Variants in GPC5 observed in about 807,000 individuals in gnomAD.
GPC5 encodes glypican 5.
A neutral mutation model predicts 53.9 loss-of-function variants in GPC5; 47 were observed. That is an observed-to-expected ratio of 0.87 (90% CI 0.69 to 1.11). The LOEUF is 1.11. Among genes scored for constraint, GPC5 ranks in the 50% most tolerant of loss-of-function variants. The pLI, the probability that GPC5 is intolerant of heterozygous loss-of-function variation, is 0.00. For missense variants in GPC5, 748 were observed against 713.1 expected (o/e 1.05, Z -0.56); for synonymous variants, 286 against 263.3 (o/e 1.09, Z -0.84).
Position 92,329,980 on chromosome 13 carries a change from G to T in GPC5, c.1561+184991G>T, listed in dbSNP as rs116658661. 5.9e-3 allele frequency among the ~76,000 whole-genome samples: 888 copies of T among 150,836 alleles called. 9 individuals carry two copies. Among genetic ancestry groups the T allele is most frequent in the African/African-American group, 0.021 (851 of 40,970 alleles). On this transcript the variant is annotated intron_variant, in intron 7 of 7. Transcript: ENST00000377067. ...CCTTCTATGAAAGAAAACACATTAT[G>T]ACTTTTAAGTTATACAAACAAAACT...
chr13:91,617,312 A>G (rs1268437637), intron 2 of GPC5, among the ~76,000 whole-genome samples: 1 of 152,124 alleles, frequency 6.6e-6, no homozygotes, highest in African/African-American at 2.4e-5. Context: ...TGTAGAGAAG[A>G]TGCTATTTAA....
intron 2 of GPC5, among the ~76,000 whole-genome samples, chr13:91,584,516 T>G (rs567758934): frequency 6.6e-6 from 1 of 152,128 alleles, no homozygotes; most frequent in Non-Finnish European, 1.5e-5. Flanking sequence ...AAGGAATACT[T>G]TTTTTAGAAA....
At chr13:91,435,784 C>G (rs778968473) in intron 1 of GPC5, among the ~76,000 whole-genome samples, 2 of 152,166 alleles carry the variant, frequency 1.3e-5, no homozygotes, top group Non-Finnish European at 2.9e-5. Context: ...CCTTGTTCCT[C>G]TGATAGAATT....
intron 5 of GPC5, among the ~76,000 whole-genome samples, chr13:91,827,672 T>C (rs1391377075): frequency 1.4e-4 from 22 of 152,002 alleles, no homozygotes; most frequent in Admixed American, 1.4e-3. Flanking sequence ...CTACACAAAT[T>C]AAATCTGCTG....
At chr13:92,696,196 C>T (rs1174511664) in intron 7 of GPC5, among the ~76,000 whole-genome samples, 4 of 152,230 alleles carry the variant, frequency 2.6e-5, no homozygotes, top group East Asian at 3.9e-4. Context: ...GATTTATAAT[C>T]CTTTGGGTAT....
intron 2 of GPC5, among the ~76,000 whole-genome samples, chr13:91,587,208 A>G (rs1377800387): frequency 6.6e-6 from 1 of 152,138 alleles, no homozygotes; most frequent in Admixed American, 6.6e-5. Context: ...GGCTATTTAT[A>G]GTGTTATTTT....
intron 7 of GPC5, among the ~76,000 whole-genome samples, chr13:92,354,277 T>C (rs1245354359): frequency 6.6e-6 from 1 of 152,220 alleles, no homozygotes; most frequent in Non-Finnish European, 1.5e-5. Context: ...ATGGATTCTT[T>C]ATAATTGCTA....
At chr13:91,981,292 CT>C (rs77671844) in intron 6 of GPC5, among the ~76,000 whole-genome samples, 69,684 of 142,202 alleles carry the variant, frequency 0.49, 16,664 homozygotes, top group East Asian at 0.73. Flanking sequence ...GAGTTCTTAC[CT>C]TTTTTTTTTT....
intron 7 of GPC5, among the ~76,000 whole-genome samples, chr13:92,592,496 A>G (rs1339415075): frequency 2.6e-5 from 4 of 151,334 alleles, no homozygotes; most frequent in African/African-American, 9.7e-5. Context: ...CAGGGGATGG[A>G]GTGGTAAGGA....
chr13:92,219,145 C>T lies in GPC5; in HGVS notation c.1561+74156C>T, dbSNP rs145334655. Reference sequence around the variant, plus strand: ...GTTTGGACTCTCCAGTTCAACCATCCTGGATGGAGAGGCTGCTTCATTTTG... The same window carrying T: ...GTTTGGACTCTCCAGTTCAACCATCTTGGATGGAGAGGCTGCTTCATTTTG... On this transcript the variant is annotated intron_variant, in intron 7 of 7. Coordinates refer to ENST00000377067, the MANE Select transcript of GPC5 (RefSeq NM_004466.6). 4.0e-4 allele frequency among the ~76,000 whole-genome samples: 61 copies of T among 152,152 alleles called. No individual in the cohort carries two copies. The East Asian group carries it at 0.01, about 25-fold the overall frequency.
At chr13:92,073,630 G>A (rs1021067323) in intron 6 of GPC5, among the ~76,000 whole-genome samples, 3 of 152,110 alleles carry the variant, frequency 2.0e-5, no homozygotes, top group African/African-American at 7.2e-5. Context: ...GATGGTATAC[G>A]ATGTCTACCA....
intron 7 of GPC5, among the ~76,000 whole-genome samples, chr13:92,740,896 T>TTATA (rs59036154): frequency 1.3e-4 from 18 of 134,914 alleles, no homozygotes; most frequent in African/African-American, 3.3e-4. Context: ...ATTTATTTAT[T>TTATA]TATATATATA....
intron 6 of GPC5, among the ~76,000 whole-genome samples, chr13:92,102,653 A>G (rs968183880): frequency 7.2e-5 from 11 of 152,216 alleles, no homozygotes; most frequent in Admixed American, 1.3e-4. Flanking sequence ...GGGCTTTCAT[A>G]GCACAGTGGG....
chr13:92,509,290 C>T (rs934505716), intron 7 of GPC5, among the ~76,000 whole-genome samples: 1 of 152,066 alleles, frequency 6.6e-6, no homozygotes, highest in African/African-American at 2.4e-5. Flanking sequence ...TTCCTTTCTT[C>T]CCATTGCTTT....
intron 7 of GPC5, among the ~76,000 whole-genome samples, chr13:92,305,882 A>G (rs1038550127): frequency 1.3e-5 from 2 of 152,158 alleles, no homozygotes; most frequent in Non-Finnish European, 2.9e-5. Context: ...CGAAGGATTC[A>G]GGGGAATAGC....
chr13:92,019,366 C>T lies in GPC5; in HGVS notation c.1401+111309C>T, dbSNP rs530530620. Among the ~76,000 whole-genome samples the T allele has an allele frequency of 1.6e-4, 25 of 151,974 alleles. No homozygotes were observed. The South Asian group carries it at 3.1e-3, about 19-fold the overall frequency. ...TAATATAGAAGACACAGCTTATGTA[C>T]GTGATTGTAACAGATTATTGAATAT... On this transcript the variant is annotated intron_variant, in intron 6 of 7. Coordinates refer to ENST00000377067, the MANE Select transcript of GPC5 (RefSeq NM_004466.6).
At chr13:91,591,726 G>T (rs1452378969) in intron 2 of GPC5, among the ~76,000 whole-genome samples, 1 of 152,058 alleles carries the variant, frequency 6.6e-6, no homozygotes, top group African/African-American at 2.4e-5. Flanking sequence ...TAGTCTATTT[G>T]CTGTTAATAC....
chr13:91,664,634 C>T (rs949961464), intron 2 of GPC5, among the ~76,000 whole-genome samples: 1 of 152,206 alleles, frequency 6.6e-6, no homozygotes, highest in Non-Finnish European at 1.5e-5. Context: ...CATCACTAGA[C>T]ATTTTATATA....
In GPC5 at chr13:92,759,089, C is replaced by G. The variant is rs563338506; in HGVS notation, c.1562-107193C>G. Among the ~76,000 whole-genome samples the G allele has an allele frequency of 4.2e-5, 6 of 141,260 alleles. No individual in the cohort carries two copies. In the South Asian group the frequency reaches 7.1e-4, roughly 17 times the overall value. 92.7% of individuals were successfully genotyped at this position (141,260 alleles called of 152,430 possible). A position where few individuals can be genotyped will look rare whatever the true frequency, so the allele number is the denominator to read the frequency against. On this transcript the variant is annotated intron_variant, in intron 7 of 7. Coordinates refer to ENST00000377067, the MANE Select transcript of GPC5 (RefSeq NM_004466.6). ...TATTTCCGGACTTTCTACTCTATCC[C>G]ACTGGTCCACTGGTCTGTTTGTCTG...
Sources: allele counts gnomAD v4.1 joint callset (sites outside exome capture counted in the v4.1 genomes callset), GRCh38; gene constraint gnomAD v4.1.1; transcripts MANE v1.5; gene names NCBI Gene and HGNC (gene_info 2026-07-23, HGNC 2026-07-21).